TMOD1: variants seen among roughly 807,000 people sequenced by gnomAD.
The protein encoded by TMOD1 is tropomodulin-1.
TMOD1 carries 17 observed loss-of-function variants against 40.6 expected under a neutral mutation model. The ratio of observed to expected loss-of-function variants is 0.42; its 90% CI spans 0.29 to 0.63. The LOEUF (loss-of-function observed/expected upper bound fraction) is 0.63, where lower values mean the gene tolerates loss of function less well. Among genes scored for constraint, TMOD1 ranks in the 20% least tolerant of loss-of-function variants. TMOD1 has a pLI of 0.22. For synonymous variants in TMOD1, 181 were observed against 175.0 expected, an observed-to-expected ratio of 1.03 and a Z score of -0.27; for missense variants, 391 against 447.6, an observed-to-expected ratio of 0.87 and a Z score of 1.14.
At chr9:97,599,609 A>ATATC (rs1249370951) in intron 9 of TMOD1, 25 bp from the exon 10 acceptor site, 2 of 1,614,054 alleles carry the variant, frequency 1.2e-6, no homozygotes, top group Non-Finnish European at 1.7e-6. Context: ...AAAGTGCCTT[A>ATATC]TATCTTATCT....
chr9:97,505,752 C>T (rs764417405), intron 1 of TMOD1, among the ~76,000 whole-genome samples: 2 of 152,164 alleles, frequency 1.3e-5, no homozygotes, highest in Non-Finnish European at 2.9e-5. Context: ...TTCATTTGCC[C>T]ACCAAGTCCT....
At chr9:97,570,507 A>G (rs1225005261) in intron 8 of TMOD1, among the ~76,000 whole-genome samples, 1 of 151,278 alleles carries the variant, frequency 6.6e-6, no homozygotes, top group Non-Finnish European at 1.5e-5. Flanking sequence ...GCAAATTGGC[A>G]CACCATGCAT....
At chr9:97,551,804 G>A (rs987350526) in intron 3 of TMOD1, among the ~76,000 whole-genome samples, 5 of 152,132 alleles carry the variant, frequency 3.3e-5, no homozygotes, top group Non-Finnish European at 7.4e-5. Flanking sequence ...AATGTTAAGT[G>A]TTCCAATCCA....
At chr9:97,549,952 A>G (rs1431312645) in intron 3 of TMOD1, among the ~76,000 whole-genome samples, 5 of 152,236 alleles carry the variant, frequency 3.3e-5, no homozygotes, top group African/African-American at 1.2e-4. Flanking sequence ...AAAAATGAAC[A>G]ATCCACAACA....
intron 1 of TMOD1, among the ~76,000 whole-genome samples, chr9:97,510,496 G>T (rs962193450): frequency 2.6e-5 from 4 of 152,192 alleles, no homozygotes; most frequent in Non-Finnish European, 4.4e-5. Context: ...CTCCCAAAGT[G>T]CTGGGATTAC....
intron 2 of TMOD1, among the ~76,000 whole-genome samples, chr9:97,535,234 A>G (rs1488731729): frequency 1.3e-5 from 2 of 152,162 alleles, no homozygotes; most frequent in Admixed American, 6.5e-5. Context: ...AGAGGCCTGA[A>G]GCAGGAAACC....
chr9:97,514,231 T>C (rs956536852), intron 1 of TMOD1, among the ~76,000 whole-genome samples: 2 of 75,892 alleles, frequency 2.6e-5, no homozygotes, highest in Non-Finnish European at 6.4e-5. Context: ...CTGGCTAATG[T>C]TTTTTTTTTG....
At chr9:97,510,441 G>T (rs1829677361) in intron 1 of TMOD1, among the ~76,000 whole-genome samples, 1 of 152,158 alleles carries the variant, frequency 6.6e-6, no homozygotes, top group Non-Finnish European at 1.5e-5. Context: ...ATGTTGGCCA[G>T]GCTGGTCTCG....
At chr9:97,578,973 A>G (rs1825679940) in intron 8 of TMOD1, among the ~76,000 whole-genome samples, 2 of 152,172 alleles carry the variant, frequency 1.3e-5, no homozygotes, top group Admixed American at 1.3e-4. Flanking sequence ...TTGGGGCCTC[A>G]GATGGTTGCT....
chr9:97,577,004 T>C (rs1830954648), intron 8 of TMOD1, among the ~76,000 whole-genome samples: 1 of 152,152 alleles, frequency 6.6e-6, no homozygotes, highest in Non-Finnish European at 1.5e-5. Flanking sequence ...GACTCTTTCC[T>C]TTTACTCAAT....
At chr9:97,530,657 G>A (rs1830083332) in intron 2 of TMOD1, among the ~76,000 whole-genome samples, 1 of 149,192 alleles carries the variant, frequency 6.7e-6, no homozygotes, top group African/African-American at 2.5e-5. Flanking sequence ...CTGGCTAATT[G>A]TTTTTGTATT....
intron 2 of TMOD1, among the ~76,000 whole-genome samples, chr9:97,543,209 TA>T (rs1354060117): frequency 6.6e-6 from 1 of 152,262 alleles, no homozygotes; most frequent in African/African-American, 2.4e-5. Context: ...TTACTGCCAT[TA>T]AAACCCTTTA....
Position 97,601,499 on chromosome 9 carries a change from C to G in TMOD1, c.*1801C>G. ...AGCAGAGCTATCAGAGGAAATCTCT[C>G]ATAGAAACGAAACCAAACCAACAGA... On this transcript the variant is annotated 3_prime_UTR_variant, in exon 10 of 10. Coordinates refer to ENST00000259365, the MANE Select transcript of TMOD1 (RefSeq NM_003275.4). The G allele has an allele frequency of 1.0e-6, 1 of 989,742 alleles. No homozygotes were observed. Among genetic ancestry groups the G allele is most frequent in the Non-Finnish European group, 1.2e-6 (1 of 832,536 alleles). 61.3% of individuals were successfully genotyped at this position (989,742 alleles called of 1,614,324 possible). A position where few individuals can be genotyped will look rare whatever the true frequency, so the allele number is the denominator to read the frequency against.
At chr9:97,544,400 G>T (rs143284122) in intron 2 of TMOD1, among the ~76,000 whole-genome samples, 1,954 of 152,078 alleles carry the variant, frequency 0.013, 44 homozygotes, top group African/African-American at 0.045. Context: ...GCCAGGTGTG[G>T]TGGCATGCGC....
In TMOD1 at chr9:97,502,950, C is replaced by T. The variant is rs1829529251; in HGVS notation, c.-49+1147C>T. 6.6e-6 allele frequency among the ~76,000 whole-genome samples: 1 copy of T among 152,126 alleles called. No homozygotes were observed. Among genetic ancestry groups the T allele is most frequent in the South Asian group, 2.1e-4 (1 of 4,812 alleles). On this transcript the variant is annotated intron_variant, in intron 1 of 9. Coordinates refer to ENST00000259365, the MANE Select transcript of TMOD1 (RefSeq NM_003275.4). The surrounding 1 kb of genome is among the most constrained non-coding windows in gnomAD (Gnocchi z 6.1). ...GCGCAGCGCCGCCCCCTCCTACACCCTTCACCCACCGCTACTATTACAGAC... is the reference window on the plus strand; with the variant it reads ...GCGCAGCGCCGCCCCCTCCTACACCTTTCACCCACCGCTACTATTACAGAC...
At chr9:97,544,307 G>T (rs1308483534) in intron 2 of TMOD1, among the ~76,000 whole-genome samples, 3 of 152,190 alleles carry the variant, frequency 2.0e-5, no homozygotes, top group Non-Finnish European at 2.9e-5. Flanking sequence ...GAAGGCCGAG[G>T]TGGGTGGATC....
intron 8 of TMOD1, among the ~76,000 whole-genome samples, chr9:97,578,923 C>A (rs1825678237): frequency 6.6e-6 from 1 of 152,072 alleles, no homozygotes; most frequent in Non-Finnish European, 1.5e-5. Flanking sequence ...AGGGTTCCTG[C>A]TAACTGGGGA....
At chr9:97,503,789 C>T (rs1564224636) in intron 1 of TMOD1, among the ~76,000 whole-genome samples, 1 of 152,196 alleles carries the variant, frequency 6.6e-6, no homozygotes, top group East Asian at 1.9e-4. Flanking sequence ...GGATATCTGG[C>T]TCCAGCCCCA....
intron 2 of TMOD1, among the ~76,000 whole-genome samples, chr9:97,543,362 C>T (rs1587931924): frequency 1.3e-5 from 2 of 152,360 alleles, no homozygotes; most frequent in African/African-American, 4.8e-5. Flanking sequence ...GTTAAACATA[C>T]ATATTTGGGT....
Sources: allele counts gnomAD v4.1 joint callset (sites outside exome capture counted in the v4.1 genomes callset), GRCh38; gene constraint gnomAD v4.1.1; non-coding constraint Gnocchi (gnomAD v3.1); transcripts MANE v1.5; gene names NCBI Gene and HGNC (gene_info 2026-07-23, HGNC 2026-07-21).